The following KCNMB2 variants were observed in gnomAD, a reference collection of about 807,000 sequenced individuals.
The protein encoded by KCNMB2 is calcium-activated potassium channel subunit beta-2.
A neutral mutation model predicts 24.5 loss-of-function variants in KCNMB2; 9 were observed. That is an observed-to-expected ratio of 0.37 (90% CI 0.22 to 0.64). The LOEUF is 0.64. Ranked by LOEUF, KCNMB2 falls within the 30% of genes least tolerant of loss-of-function variation. KCNMB2 has a pLI of 0.63. For missense variants in KCNMB2, 226 were observed against 284.3 expected (o/e 0.79, Z 1.47); for synonymous variants, 109 against 104.4 (o/e 1.04, Z -0.27).
intron 1 of KCNMB2, among the ~76,000 whole-genome samples, chr3:178,661,897 T>C (rs1388336774): frequency 6.6e-6 from 1 of 152,170 alleles, no homozygotes. Context: ...CTACTAGATC[T>C]ATAGTCCTCA....
chr3:178,593,100 C>T (rs1043811204), intron 1 of KCNMB2, among the ~76,000 whole-genome samples: 1 of 151,992 alleles, frequency 6.6e-6, no homozygotes, highest in South Asian at 2.1e-4. Flanking sequence ...TGCCAACTAA[C>T]ATGCCATTCT....
At position 178,712,017 on chromosome 3, in the gene KCNMB2, G is replaced by A. The variant is rs186092848; in HGVS notation, c.-67-95326G>A. Among the ~76,000 whole-genome samples the A allele has an allele frequency of 3.3e-5, 5 of 152,260 alleles. No homozygotes were observed. In the East Asian group the frequency reaches 5.8e-4, roughly 18 times the overall value. On this transcript the variant is annotated intron_variant, in intron 1 of 4. Coordinates refer to ENST00000452583, the MANE Select transcript of KCNMB2 (RefSeq NM_181361.3). ...TCCTCTCTCTGTCAGACAAAATTTT[G>A]CCGTTGTCACTGTGAGTAGGGAGTA...
intron 1 of KCNMB2, among the ~76,000 whole-genome samples, chr3:178,771,905 C>A (rs569516545): frequency 3.3e-5 from 5 of 152,032 alleles, no homozygotes; most frequent in Non-Finnish European, 7.4e-5. Context: ...CTCCTTACTT[C>A]ATGGAGAGAT....
At chr3:178,588,542 T>C (rs1467455367) in intron 1 of KCNMB2, among the ~76,000 whole-genome samples, 1 of 152,118 alleles carries the variant, frequency 6.6e-6, no homozygotes, top group African/African-American at 2.4e-5. Context: ...ATGCTACTTA[T>C]CAAATGTTTC....
intron 1 of KCNMB2, among the ~76,000 whole-genome samples, chr3:178,571,044 A>G (rs889491566): frequency 3.9e-5 from 6 of 152,224 alleles, no homozygotes; most frequent in Non-Finnish European, 8.8e-5. Context: ...TACTGTTTCC[A>G]CGATGTCACA....
At chr3:178,568,187 T>G (rs905473184) in intron 1 of KCNMB2, among the ~76,000 whole-genome samples, 1 of 152,170 alleles carries the variant, frequency 6.6e-6, no homozygotes, top group Non-Finnish European at 1.5e-5. Flanking sequence ...TAATTTAATA[T>G]ATACTCAGAC....
chr3:178,548,174 G>A (rs1715836231), intron 1 of KCNMB2, among the ~76,000 whole-genome samples: 1 of 152,120 alleles, frequency 6.6e-6, no homozygotes, highest in African/African-American at 2.4e-5. Flanking sequence ...ACCTGCACAA[G>A]AATTATCTGG....
chr3:178,630,075 C>T (rs529748834), intron 1 of KCNMB2, among the ~76,000 whole-genome samples: 1 of 152,188 alleles, frequency 6.6e-6, no homozygotes, highest in Non-Finnish European at 1.5e-5. Flanking sequence ...CCAGTGTCCA[C>T]CATATTGCTT....
At chr3:178,734,481 G>A (rs1036072662) in intron 1 of KCNMB2, among the ~76,000 whole-genome samples, 2 of 152,202 alleles carry the variant, frequency 1.3e-5, no homozygotes, top group African/African-American at 4.8e-5. Flanking sequence ...ACCTGGCAGA[G>A]AGCCTGGCAC....
Position 178,776,241 on chromosome 3 carries a change from T to C in KCNMB2, c.-67-31102T>C, listed in dbSNP as rs546401714. ...CCCATACTGGTTAATAATGCCACCA[T>C]CCACACAGTCCCCAAAGAGAGTTTA... On this transcript the variant is annotated intron_variant, in intron 1 of 4. Coordinates refer to ENST00000452583, the MANE Select transcript of KCNMB2 (RefSeq NM_181361.3). Among the ~76,000 whole-genome samples the C allele has an allele frequency of 1.1e-4, 16 of 152,256 alleles. No homozygotes were observed. The South Asian group carries it at 3.1e-3, about 30-fold the overall frequency.
intron 3 of KCNMB2, 130 bp from the exon 4 acceptor site, chr3:178,828,048 A>G (rs1714903163): frequency 2.8e-6 from 2 of 714,638 alleles, no homozygotes; most frequent in Non-Finnish European, 4.7e-6. Flanking sequence ...TAAACTTTAC[A>G]CAGATAGATC....
At chr3:178,710,244 G>A (rs1018966818) in intron 1 of KCNMB2, among the ~76,000 whole-genome samples, 1 of 152,122 alleles carries the variant, frequency 6.6e-6, no homozygotes, top group Non-Finnish European at 1.5e-5. Flanking sequence ...GTCAAGCAGG[G>A]GCTCACTTCA....
chr3:178,754,819 G>A (rs930058866), intron 1 of KCNMB2, among the ~76,000 whole-genome samples: 7 of 152,182 alleles, frequency 4.6e-5, no homozygotes, highest in Non-Finnish European at 1.0e-4. Flanking sequence ...CCATCTGGTT[G>A]GGATGGCATA....
intron 1 of KCNMB2, among the ~76,000 whole-genome samples, chr3:178,731,733 A>G (rs6443570): frequency 0.49 from 73,882 of 151,972 alleles, 18,434 homozygotes; most frequent in African/African-American, 0.61. Context: ...GTGAAACCTT[A>G]TCTCTAATAA....
At chr3:178,674,774 T>C (rs1476953494) in intron 1 of KCNMB2, among the ~76,000 whole-genome samples, 2 of 152,182 alleles carry the variant, frequency 1.3e-5, no homozygotes, top group Non-Finnish European at 2.9e-5. Flanking sequence ...CATCACCATC[T>C]GGCCACCACA....
intron 1 of KCNMB2, among the ~76,000 whole-genome samples, chr3:178,550,802 C>T (rs780079645): frequency 7.9e-5 from 12 of 151,910 alleles, no homozygotes; most frequent in East Asian, 1.9e-4. Flanking sequence ...ATCTGAATAC[C>T]GGCCACACAA....
chr3:178,609,650 T>A (rs927684781), intron 1 of KCNMB2, among the ~76,000 whole-genome samples: 3 of 152,134 alleles, frequency 2.0e-5, no homozygotes, highest in African/African-American at 7.2e-5. Flanking sequence ...TCGATTTTTT[T>A]TTTTTTGGCA....
At chr3:178,698,359 T>A (rs1212887778) in intron 1 of KCNMB2, among the ~76,000 whole-genome samples, 2 of 152,140 alleles carry the variant, frequency 1.3e-5, no homozygotes, top group African/African-American at 4.8e-5. Context: ...CTGTCTTATT[T>A]CAGAAAGCCA....
At chr3:178,658,460 C>A (rs978376019) in intron 1 of KCNMB2, among the ~76,000 whole-genome samples, 26 of 152,240 alleles carry the variant, frequency 1.7e-4, no homozygotes, top group Non-Finnish European at 3.4e-4. Flanking sequence ...TCTCTAGCAC[C>A]CACATTTTAC....
Sources: allele counts gnomAD v4.1 joint callset (sites outside exome capture counted in the v4.1 genomes callset), GRCh38; gene constraint gnomAD v4.1.1; transcripts MANE v1.5; gene names NCBI Gene and HGNC (gene_info 2026-07-23, HGNC 2026-07-21).